Variants in RRM2 observed in about 807,000 individuals in gnomAD.
RRM2 encodes ribonucleoside-diphosphate reductase subunit M2.
A neutral mutation model predicts 45.9 loss-of-function variants in RRM2; 6 were observed. The ratio of observed to expected loss-of-function variants is 0.13; its 90% CI spans 0.07 to 0.26. The LOEUF is 0.26. Among genes scored for constraint, RRM2 ranks in the 10% least tolerant of loss-of-function variants. The probability of loss-of-function intolerance (pLI) is 1.00; values close to 1 mark genes in which losing one functional copy is unlikely to be tolerated. For synonymous variants in RRM2, 177 were observed against 173.0 expected (o/e 1.02, Z -0.18); for missense variants, 343 against 489.5 (o/e 0.70, Z 2.82).
At position 10,204,512 on chromosome 2, in the gene RRM2, T is replaced by A. The variant is rs1664629185; in HGVS notation, n.483-5799T>A. Among the ~76,000 whole-genome samples the A allele has an allele frequency of 6.6e-6, 1 of 152,198 alleles. No homozygotes were observed. The highest frequency in any genetic ancestry group is 2.4e-5 in the African/African-American group (1 of 41,452). Reference sequence around the variant, plus strand: ...ACCGGAGCAGCCTACCTGGCTTCTGTGGTCACTGGCTGTGACCCCGCCAGC... The same window carrying A: ...ACCGGAGCAGCCTACCTGGCTTCTGAGGTCACTGGCTGTGACCCCGCCAGC... On this transcript the variant is annotated intron_variant and non_coding_transcript_variant, in intron 3 of 3. Transcript: ENST00000381786. This position sits in a 1 kb window ranked among gnomAD's most constrained non-coding sequence, Gnocchi z 4.0.
At chr2:10,151,742 A>C (rs981870917) in intron 3 of RRM2, among the ~76,000 whole-genome samples, 2 of 152,206 alleles carry the variant, frequency 1.3e-5, no homozygotes, top group Non-Finnish European at 2.9e-5. Context: ...CAAGAGTCCC[A>C]GTTGCTTCAT....
chr2:10,177,638 G>A (rs376591063), intron 3 of RRM2, among the ~76,000 whole-genome samples: 22 of 151,100 alleles, frequency 1.5e-4, no homozygotes, highest in African/African-American at 5.1e-4. Context: ...ATGCTACAAG[G>A]ATCCCTCCTG....
chr2:10,148,854 T>C (rs1220848826), intron 3 of RRM2, among the ~76,000 whole-genome samples: 2 of 152,170 alleles, frequency 1.3e-5, no homozygotes, highest in Non-Finnish European at 2.9e-5. Flanking sequence ...GATGGGTCCT[T>C]TGTAGATCTT....
rs1349316390 is a variant in RRM2, at chr2:10,205,555, G to T, written n.483-4756G>T. ...TTTCTCAGGGAATGAGGCAGGAGGA[G>T]AGACATGGAAAGGGAGAGAGATACC... On this transcript the variant is annotated intron_variant and non_coding_transcript_variant, in intron 3 of 3. Transcript: ENST00000381786. The surrounding 1 kb of genome is among the most constrained non-coding windows in gnomAD (Gnocchi z 4.8). 6.6e-6 allele frequency among the ~76,000 whole-genome samples: 1 copy of T among 152,188 alleles called. No individual in the cohort carries two copies. Among genetic ancestry groups the T allele is most frequent in the Non-Finnish European group, 1.5e-5 (1 of 68,034 alleles).
chr2:10,189,277 C>T (rs574707013), intron 3 of RRM2, among the ~76,000 whole-genome samples: 1 of 152,348 alleles, frequency 6.6e-6, no homozygotes, highest in East Asian at 1.9e-4. Flanking sequence ...GAGTCAGATG[C>T]ATTGATTCTG....
rs897836596 is a variant in RRM2 at position 10,171,393 on chromosome 2, G to C, written n.482+29018G>C. On this transcript the variant is annotated intron_variant and non_coding_transcript_variant, in intron 3 of 3. Transcript: ENST00000381786. This position sits in a 1 kb window ranked among gnomAD's most constrained non-coding sequence, Gnocchi z 4.1. ...TGAGAAACTGTCGGGTTTGGCTGCT[G>C]CTGTTGTCTGCATCTCCCGCCTTCC... 2.0e-5 allele frequency among the ~76,000 whole-genome samples: 3 copies of C among 152,372 alleles called. No individual in the cohort carries two copies. The East Asian group carries it at 5.8e-4, about 29-fold the overall frequency.
intron 3 of RRM2, among the ~76,000 whole-genome samples, chr2:10,165,231 A>G (rs1048214570): frequency 2.6e-5 from 4 of 152,236 alleles, no homozygotes; most frequent in African/African-American, 7.2e-5. Flanking sequence ...GATTCCAGGC[A>G]TGAGCCACTG....
chr2:10,198,152 CA>C (rs1049797349), intron 3 of RRM2, among the ~76,000 whole-genome samples: 1 of 152,224 alleles, frequency 6.6e-6, no homozygotes, highest in African/African-American at 2.4e-5. Context: ...CGGGGCTATG[CA>C]CAGGCTTCAG....
At chr2:10,181,375 C>T (rs1007819698) in intron 3 of RRM2, among the ~76,000 whole-genome samples, 4 of 152,166 alleles carry the variant, frequency 2.6e-5, no homozygotes, top group African/African-American at 7.2e-5. Context: ...GTTTTTGCAG[C>T]CTTTTCAAGG....
At chr2:10,165,062 C>T (rs949734807) in intron 3 of RRM2, among the ~76,000 whole-genome samples, 2 of 152,186 alleles carry the variant, frequency 1.3e-5, no homozygotes, top group African/African-American at 4.8e-5. Flanking sequence ...AGCCATCCTC[C>T]CACCTTAGCC....
At chr2:10,141,662 C>A in intron 1 of RRM2, 1 of 715,838 alleles carries the variant, frequency 1.4e-6, no homozygotes. Flanking sequence ...CTCTGGGAAG[C>A]GGGGAGGCAG....
chr2:10,210,268 GA>G, intron 3 of RRM2: 2 of 1,306,582 alleles, frequency 1.5e-6, no homozygotes, highest in Non-Finnish European at 2.1e-6. Flanking sequence ...TGGGTTGGAT[GA>G]TCTTGGTTCA....
At chr2:10,123,241 C>CTG in intron 2 of RRM2, 146 bp from the exon 3 acceptor site, 1 of 1,293,560 alleles carries the variant, frequency 7.7e-7, no homozygotes, top group Non-Finnish European at 1.0e-6. Flanking sequence ...CGCTCCTCTG[C>CTG]TGCGACCCAC....
At chr2:10,186,437 G>A (rs1015932672) in intron 3 of RRM2, among the ~76,000 whole-genome samples, 1 of 151,894 alleles carries the variant, frequency 6.6e-6, no homozygotes, top group African/African-American at 2.4e-5. Flanking sequence ...TTACAGGCGT[G>A]AGCCACCGTG....
At position 10,177,908 on chromosome 2, in the gene RRM2, C is replaced by A. The variant is rs1043839975; in HGVS notation, n.483-32403C>A. On this transcript the variant is annotated intron_variant and non_coding_transcript_variant, in intron 3 of 3. Coordinates refer to the RRM2 transcript ENST00000381786. ...AAGTGCTGGGATTACAGGCATGAGC[C>A]ACTGCGCTCAAGCTTTTTTTTTTTT... is the stretch of plus-strand genomic sequence containing the variant. Among the ~76,000 whole-genome samples, 6 of 152,030 alleles carry A rather than the reference C, an allele frequency of 3.9e-5. No homozygotes were observed. The South Asian group carries it at 1.2e-3, about 32-fold the overall frequency.
chr2:10,145,642 C>G (rs564171589), intron 3 of RRM2: 4 of 152,268 alleles, frequency 2.6e-5, no homozygotes, highest in African/African-American at 9.6e-5. Context: ...GGGGCAGACC[C>G]CAGGGACTCC....
chr2:10,207,484 T>G (rs1038440535), intron 3 of RRM2, among the ~76,000 whole-genome samples: 1 of 152,154 alleles, frequency 6.6e-6, no homozygotes, highest in African/African-American at 2.4e-5. Flanking sequence ...CAAAAACGTT[T>G]AAGAGGTTAG....
chr2:10,157,016 CTTTTTTTTT>C (rs71391198), intron 3 of RRM2, among the ~76,000 whole-genome samples: 49 of 85,938 alleles, frequency 5.7e-4, no homozygotes, highest in South Asian at 5.4e-3. Flanking sequence ...CAGCCCATTT[CTTTTTTTTT>C]TTTTTTTTTT....
intron 3 of RRM2, among the ~76,000 whole-genome samples, chr2:10,206,983 A>T (rs529367278): frequency 6.6e-6 from 1 of 152,204 alleles, no homozygotes; most frequent in African/African-American, 2.4e-5. Flanking sequence ...GGGCCTCCAC[A>T]CCAATGCACT....
Sources: allele counts gnomAD v4.1 joint callset (sites outside exome capture counted in the v4.1 genomes callset), GRCh38; gene constraint gnomAD v4.1.1; non-coding constraint Gnocchi (gnomAD v3.1); transcripts MANE v1.5; gene names NCBI Gene and HGNC (gene_info 2026-07-23, HGNC 2026-07-21).